ULK4: variants seen among roughly 807,000 people sequenced by gnomAD.
ULK4 encodes unc-51 like kinase 4.
ULK4 carries 133 observed loss-of-function variants against 160.6 expected under a neutral mutation model. The observed-to-expected ratio is 0.83, with a 90% CI of 0.72 to 0.96. ULK4 has a LOEUF of 0.96. Ranked by LOEUF, ULK4 falls within the 40% of genes least tolerant of loss-of-function variation. The pLI, the probability that ULK4 is intolerant of heterozygous loss-of-function variation, is 0.00. For missense variants in ULK4, 1,580 were observed against 1,499.5 expected (o/e 1.05, Z -0.89); for synonymous variants, 534 against 539.8 (o/e 0.99, Z 0.15).
chr3:41,582,467 T>C (rs1235248198), intron 31 of ULK4, among the ~76,000 whole-genome samples: 1 of 152,150 alleles, frequency 6.6e-6, no homozygotes, highest in Non-Finnish European at 1.5e-5. Context: ...ATCAGAGATA[T>C]CACCTATATT....
At chr3:41,860,272 C>A (rs1278645055) in intron 17 of ULK4, among the ~76,000 whole-genome samples, 19 of 152,198 alleles carry the variant, frequency 1.2e-4, no homozygotes, top group African/African-American at 4.1e-4. Context: ...AAGTCTGATG[C>A]TTCTTTGTTG....
At chr3:41,488,156 G>C (rs1379255442) in intron 32 of ULK4, among the ~76,000 whole-genome samples, 1 of 152,188 alleles carries the variant, frequency 6.6e-6, no homozygotes, top group Non-Finnish European at 1.5e-5. Context: ...AATACATAGA[G>C]AATAATGCAA....
chr3:41,476,327 T>G (rs1355348909), intron 32 of ULK4, among the ~76,000 whole-genome samples: 1 of 152,160 alleles, frequency 6.6e-6, no homozygotes, highest in African/African-American at 2.4e-5. Context: ...AGGTAGAAAC[T>G]TTTGGTATGG....
At chr3:41,624,948 G>C (rs1018144490) in intron 30 of ULK4, among the ~76,000 whole-genome samples, 4 of 152,088 alleles carry the variant, frequency 2.6e-5, no homozygotes, top group Admixed American at 6.5e-5. Flanking sequence ...AAGTGCTTCA[G>C]TCTTTGGTAA....
chr3:41,319,625 T>G (rs2080211016), intron 35 of ULK4, among the ~76,000 whole-genome samples: 1 of 152,234 alleles, frequency 6.6e-6, no homozygotes, highest in Admixed American at 6.5e-5. Flanking sequence ...AAGGCTATCA[T>G]ATCACCATAT....
intron 32 of ULK4, among the ~76,000 whole-genome samples, chr3:41,549,505 A>G (rs575243511): frequency 2.8e-4 from 42 of 152,260 alleles, no homozygotes; most frequent in African/African-American, 9.1e-4. Context: ...AAAAATAATA[A>G]AAATTTAAAA....
At chr3:41,463,432 C>G (rs1294510384) in intron 32 of ULK4, among the ~76,000 whole-genome samples, 179 bp from the exon 33 acceptor site, 1 of 152,152 alleles carries the variant, frequency 6.6e-6, no homozygotes, top group East Asian at 1.9e-4. Context: ...AGGCCTCACT[C>G]CCAGAGAGTG....
In ULK4 at chr3:41,961,550, A is replaced by ACCCCCCCTCCCCCCC. The variant is rs1700669869; in HGVS notation, c.-49+465_-49+466insGGGGGGGAGGGGGGG. ...ACTCAGGGGCGCTACGTAGTCACTC[A>ACCCCCCCTCCCCCCC]CCCCCCCCCCCCCCCCCCCCGCTCC... On this transcript the variant is annotated intron_variant, in intron 1 of 36. Transcript: ENST00000301831. Among the ~76,000 whole-genome samples the ACCCCCCCTCCCCCCC allele has an allele frequency of 3.2e-5, 4 of 124,678 alleles. 1 individual carries two copies. Among genetic ancestry groups the ACCCCCCCTCCCCCCC allele is most frequent in the African/African-American group, 1.3e-4 (3 of 23,456 alleles). 81.8% of individuals were successfully genotyped at this position (124,678 alleles called of 152,430 possible).
intron 35 of ULK4, among the ~76,000 whole-genome samples, chr3:41,273,717 T>C (rs1338586571): frequency 3.3e-5 from 5 of 152,064 alleles, no homozygotes; most frequent in Admixed American, 2.0e-4. Flanking sequence ...GGGAGGTGTT[T>C]GGGTAATGAA....
chr3:41,644,190 C>T (rs1223339603), intron 30 of ULK4, among the ~76,000 whole-genome samples: 1 of 152,072 alleles, frequency 6.6e-6, no homozygotes, highest in Non-Finnish European at 1.5e-5. Flanking sequence ...TTATTTCCTT[C>T]TCCTGCCTAA....
chr3:41,387,353 T>G (rs2081840953), intron 35 of ULK4, among the ~76,000 whole-genome samples: 1 of 152,072 alleles, frequency 6.6e-6, no homozygotes, highest in Non-Finnish European at 1.5e-5. Context: ...TATTTAGCTG[T>G]AATTTTGTAT....
chr3:41,296,134 C>T (rs75680516), intron 35 of ULK4, among the ~76,000 whole-genome samples: 1,806 of 152,274 alleles, frequency 0.012, 24 homozygotes, highest in African/African-American at 0.034. Flanking sequence ...TTTGTCAGTG[C>T]AGGTTCATCG....
At chr3:41,722,538 G>A (rs577800604) in intron 22 of ULK4, among the ~76,000 whole-genome samples, 2 of 152,274 alleles carry the variant, frequency 1.3e-5, no homozygotes, top group South Asian at 4.1e-4. Context: ...GGCTGAGGCA[G>A]GAGAATCTCT....
In ULK4 at chr3:41,896,698, TA is replaced by T. The variant is rs369402319; in HGVS notation, c.1530+123del. 263 of 1,119,862 alleles carry T rather than the reference TA, an allele frequency of 2.3e-4. 1 individual carries two copies. The African/African-American group carries it at 3.8e-3, about 16-fold the overall frequency. The allele number at this position is 1,119,862 out of a possible 1,614,324, so 69.4% of individuals were successfully genotyped here. On this transcript the variant is annotated intron_variant, in intron 15 of 36. Transcript: ENST00000301831. ...AGGATTAAGCAGAGGATAATTTTCATAAACCTAAAATCGTGATAAATCAGTT... is the reference window on the plus strand; with the variant it reads ...AGGATTAAGCAGAGGATAATTTTCATAACCTAAAATCGTGATAAATCAGTT...
chr3:41,413,862 G>A (rs750650243), intron 34 of ULK4, among the ~76,000 whole-genome samples: 11 of 152,070 alleles, frequency 7.2e-5, no homozygotes, highest in South Asian at 4.2e-4. Context: ...AAAAAGGAGC[G>A]CCCAGATACC....
intron 30 of ULK4, among the ~76,000 whole-genome samples, chr3:41,639,181 G>C (rs990560055): frequency 3.5e-4 from 53 of 152,106 alleles, no homozygotes; most frequent in Admixed American, 3.5e-3. Flanking sequence ...GCAAATAACA[G>C]TTTCTGAATT....
In ULK4 at chr3:41,929,389, G is replaced by A. The variant is rs535400073; in HGVS notation, c.541+2455C>T. On this transcript the variant is annotated intron_variant, in intron 5 of 36. Transcript: ENST00000301831. ...GACAAACCCACAGCCAATATCATACGGAATGGACAAAAAAGGAAAGCATTC... is the reference window on the plus strand; with the variant it reads ...GACAAACCCACAGCCAATATCATACAGAATGGACAAAAAAGGAAAGCATTC... Among the ~76,000 whole-genome samples the A allele has an allele frequency of 1.2e-4, 18 of 152,136 alleles. No individual in the cohort carries two copies. In the South Asian group the frequency reaches 3.5e-3, roughly 30 times the overall value.
chr3:41,652,372 A>G, intron 30 of ULK4, among the ~76,000 whole-genome samples: 1 of 152,224 alleles, frequency 6.6e-6, no homozygotes, highest in Middle Eastern at 3.2e-3. Context: ...TCCTATCAGA[A>G]AAACAATACT....
intron 32 of ULK4, among the ~76,000 whole-genome samples, chr3:41,482,448 T>C (rs2084362188): frequency 6.6e-6 from 1 of 151,988 alleles, no homozygotes; most frequent in African/African-American, 2.4e-5. Context: ...AGGAGAAACT[T>C]GGGGCAAGGG....
Sources: allele counts gnomAD v4.1 joint callset (sites outside exome capture counted in the v4.1 genomes callset), GRCh38; gene constraint gnomAD v4.1.1; transcripts MANE v1.5; gene names NCBI Gene and HGNC (gene_info 2026-07-23, HGNC 2026-07-21).